Variants in DDX43 observed in about 807,000 individuals in gnomAD.
The protein encoded by DDX43 is DEAD-box helicase 43.
Under a neutral mutation model 84.9 loss-of-function variants are expected in DDX43, and 50 were observed. That is an observed-to-expected ratio of 0.59 (90% CI 0.47 to 0.75). The LOEUF is 0.75. Ranked by LOEUF, DDX43 falls within the 30% of genes least tolerant of loss-of-function variation. The pLI, the probability that DDX43 is intolerant of heterozygous loss-of-function variation, is 0.00. For synonymous variants in DDX43, 291 were observed against 266.3 expected (o/e 1.09, Z -0.90); for missense variants, 689 against 798.6 (o/e 0.86, Z 1.65).
At chr6:73,411,339 T>C (rs1212169144) in intron 10 of DDX43, among the ~76,000 whole-genome samples, 1 of 150,606 alleles carries the variant, frequency 6.6e-6, no homozygotes, top group South Asian at 2.1e-4. Flanking sequence ...CTTTCTTTTT[T>C]TTTTTTTGAG....
intron 3 of DDX43, 109 bp from the exon 4 acceptor site, chr6:73,401,750 C>T (rs1280036770): frequency 1.4e-5 from 15 of 1,051,610 alleles, no homozygotes; most frequent in Non-Finnish European, 1.7e-5. Context: ...TGCAGTGAGC[C>T]GAGATCGCGC....
intron 13 of DDX43, 106 bp downstream of exon 13, chr6:73,414,185 C>G: frequency 1.4e-6 from 1 of 696,634 alleles, no homozygotes; most frequent in Non-Finnish European, 2.5e-6. Flanking sequence ...AAGATCTGTC[C>G]TCACCTTCTG....
At chr6:73,412,132 T>C in intron 10 of DDX43, 73 bp from the exon 11 acceptor site, 1 of 1,337,104 alleles carries the variant, frequency 7.5e-7, no homozygotes, top group East Asian at 2.3e-5. Context: ...AGTAACTTGG[T>C]TCATAGCATG....
At chr6:73,412,397 C>A in intron 11 of DDX43, 105 bp downstream of exon 11, 2 of 782,052 alleles carry the variant, frequency 2.6e-6, no homozygotes, top group Non-Finnish European at 4.2e-6. Context: ...TAGGGCAAAT[C>A]ACACTTGCAT....
rs997694902 is a variant in DDX43, at chr6:73,400,180, T to C, written c.307-54T>C. Reference sequence around the variant, plus strand: ...AAGGGGTTAGGGGCTTAGGGAACTTTTTATGTTTTTTAGGGAAATTTTAAG... The same window carrying C: ...AAGGGGTTAGGGGCTTAGGGAACTTCTTATGTTTTTTAGGGAAATTTTAAG... On this transcript the variant is annotated intron_variant, in intron 2 of 16. Coordinates refer to ENST00000370336, the MANE Select transcript of DDX43 (RefSeq NM_018665.3). 10 of 1,515,406 alleles carry C rather than the reference T, an allele frequency of 6.6e-6. No homozygotes were observed. In the African/African-American group the frequency reaches 1.1e-4, roughly 17 times the overall value. 93.9% of individuals were successfully genotyped at this position (1,515,406 alleles called of 1,614,324 possible).
At chr6:73,396,853 A>G (rs1769484059) in intron 1 of DDX43, among the ~76,000 whole-genome samples, 1 of 152,230 alleles carries the variant, frequency 6.6e-6, no homozygotes, top group African/African-American at 2.4e-5. Flanking sequence ...TTCTCTAAGA[A>G]TAATATCCTC....
At chr6:73,397,191 A>G (rs1769489044) in intron 1 of DDX43, among the ~76,000 whole-genome samples, 1 of 152,254 alleles carries the variant, frequency 6.6e-6, no homozygotes, top group African/African-American at 2.4e-5. Context: ...AGGGGTTCCA[A>G]TTTCTCCACA....
intron 10 of DDX43, among the ~76,000 whole-genome samples, chr6:73,411,333 C>CT (rs55782182): frequency 0.013 from 1,774 of 141,196 alleles, 31 homozygotes; most frequent in African/African-American, 0.035. Flanking sequence ...TCTTTTCTTT[C>CT]TTTTTTTTTT....
chr6:73,409,450 T>A, intron 10 of DDX43, 102 bp downstream of exon 10: 1 of 933,222 alleles, frequency 1.1e-6, no homozygotes, highest in Non-Finnish European at 1.7e-6. Context: ...CTTGGAAGTG[T>A]TGAAATCTTT....
chr6:73,394,960 C>A lies in DDX43; in HGVS notation c.55C>A (p.Arg19=). The change falls in exon 1 of 17, where the codon CGA becomes AGA. Residue 19 remains arginine, a synonymous_variant. Coordinates refer to ENST00000370336, the MANE Select transcript of DDX43 (RefSeq NM_018665.3). ...KASTWVVASR[R]SSTVSRAPER... Reference sequence around the variant, plus strand: ...CTCTACGTGGGTCGTTGCTAGTCGGCGAAGCTCGACAGTGTCCCGAGCGCC... The same window carrying A: ...CTCTACGTGGGTCGTTGCTAGTCGGAGAAGCTCGACAGTGTCCCGAGCGCC... The A allele has an allele frequency of 6.2e-7, 1 of 1,614,222 alleles. No homozygotes were observed. The highest frequency in any genetic ancestry group is 8.5e-7 in the Non-Finnish European group (1 of 1,180,036).
chr6:73,401,729 G>A lies in DDX43; in HGVS notation c.437-130G>A, dbSNP rs1769574916. ...AGGCAAGAGAATGGCGGGAACCCGGGAGGTGGAGCTTGCAGTGAGCCGAGA... is the reference window on the plus strand; with the variant it reads ...AGGCAAGAGAATGGCGGGAACCCGGAAGGTGGAGCTTGCAGTGAGCCGAGA... On this transcript the variant is annotated intron_variant, in intron 3 of 16. Coordinates refer to ENST00000370336, the MANE Select transcript of DDX43 (RefSeq NM_018665.3). 8.6e-6 allele frequency: 7 copies of A among 810,094 alleles called. No individual in the cohort carries two copies. In the South Asian group the frequency reaches 1.4e-4, roughly 16 times the overall value. The allele number at this position is 810,094 out of a possible 1,614,324, so 50.2% of individuals were successfully genotyped here.
chr6:73,414,847 G>C (rs1271411028), intron 14 of DDX43, among the ~76,000 whole-genome samples, 161 bp downstream of exon 14: 1 of 152,024 alleles, frequency 6.6e-6, no homozygotes, highest in African/African-American at 2.4e-5. Context: ...CATTTGGCTT[G>C]TTCCAGACTC....
Position 73,412,200 on chromosome 6 carries a change from C to T in DDX43, c.1281-5C>T. The T allele has an allele frequency of 6.2e-7, 1 of 1,605,774 alleles. No homozygotes were observed. The highest frequency in any genetic ancestry group is 1.1e-5 in the South Asian group (1 of 89,058). On this transcript the variant is annotated splice_polypyrimidine_tract_variant and splice_region_variant and intron_variant, in intron 10 of 16. Transcript: ENST00000370336. The stretch of plus-strand genomic sequence containing the variant: ...AATTGTAATGTTTGTAACTTGTATT[C>T]CCAGTGCTACATGGCCTCATTCAGT...
intron 1 of DDX43, among the ~76,000 whole-genome samples, chr6:73,396,455 A>G (rs1769474510): frequency 6.6e-6 from 1 of 152,228 alleles, no homozygotes; most frequent in African/African-American, 2.4e-5. Flanking sequence ...TTGGCCTTTC[A>G]GAAGGCTTGG....
At chr6:73,413,622 A>G (rs1769845398) in intron 11 of DDX43, 36 bp from the exon 12 acceptor site, 2 of 1,601,964 alleles carry the variant, frequency 1.2e-6, no homozygotes, top group South Asian at 1.1e-5. Context: ...CTCAATCATG[A>G]TGACCTTGAT....
rs147993258 is a variant in DDX43, at chr6:73,402,086, T to C, written c.568+96T>C. Reference sequence around the variant, plus strand: ...CTGTGCTTTATTTTTAGTAATGAAATGTATATGAAAATAGTAAAATCTAAA... The same window carrying C: ...CTGTGCTTTATTTTTAGTAATGAAACGTATATGAAAATAGTAAAATCTAAA... On this transcript the variant is annotated intron_variant, in intron 4 of 16. Coordinates refer to ENST00000370336, the MANE Select transcript of DDX43 (RefSeq NM_018665.3). 3,329 of 1,481,662 alleles carry C rather than the reference T, an allele frequency of 2.2e-3. 3 individuals are homozygous for C. The highest frequency in any genetic ancestry group is 2.9e-3 in the Non-Finnish European group (3,165 of 1,083,966). 91.8% of individuals were successfully genotyped at this position (1,481,662 alleles called of 1,614,324 possible). A position where few individuals can be genotyped will look rare whatever the true frequency, so the allele number is the denominator to read the frequency against.
chr6:73,409,625 G>A (rs1769748255), intron 10 of DDX43, among the ~76,000 whole-genome samples: 1 of 152,178 alleles, frequency 6.6e-6, no homozygotes, highest in South Asian at 2.1e-4. Flanking sequence ...AAGGAGATAA[G>A]CATTTGATTA....
chr6:73,407,457 G>A (rs368578128), intron 7 of DDX43, 48 bp from the exon 8 acceptor site: 99 of 1,252,132 alleles, frequency 7.9e-5, no homozygotes, highest in Non-Finnish European at 1.1e-4. Context: ...TAAATGTACC[G>A]TGCATCTGAG....
At chr6:73,409,178 TAAAG>T (rs1769737786) in intron 9 of DDX43, 66 bp from the exon 10 acceptor site, 3 of 1,131,598 alleles carry the variant, frequency 2.7e-6, no homozygotes, top group Non-Finnish European at 4.0e-6. Flanking sequence ...GTTCTACTAA[TAAAG>T]AAAGCATATG....
Sources: allele counts gnomAD v4.1 joint callset (sites outside exome capture counted in the v4.1 genomes callset), GRCh38; gene constraint gnomAD v4.1.1; transcripts MANE v1.5; gene names NCBI Gene and HGNC (gene_info 2026-07-23, HGNC 2026-07-21).